The following PKD2L1 variants were observed in gnomAD, a reference collection of about 807,000 sequenced individuals.
PKD2L1 encodes polycystin 2 like 1, transient receptor potential cation channel, also known as polycystin-2-like protein 1.
Under a neutral mutation model 93.0 loss-of-function variants are expected in PKD2L1, and 77 were observed. That is an observed-to-expected ratio of 0.83 (90% CI 0.69 to 1.00). The LOEUF (loss-of-function observed/expected upper bound fraction) is 1.00. Ranked by LOEUF, PKD2L1 falls within the 50% of genes least tolerant of loss-of-function variation. The pLI is 0.00. For missense variants in PKD2L1, 977 were observed against 990.9 expected, an observed-to-expected ratio of 0.99 and a Z score of 0.19; for synonymous variants, 390 against 388.0, an observed-to-expected ratio of 1.01 and a Z score of -0.06.
chr10:100,293,409 C>T lies in PKD2L1; in HGVS notation c.1660-30G>A, dbSNP rs375615718. Reference sequence around the variant, plus strand: ...AAAATGAAGTGGGGACCTGGGTCCTCACCCCCAGACCCACTGAAAGGATTG... The same window carrying T: ...AAAATGAAGTGGGGACCTGGGTCCTTACCCCCAGACCCACTGAAAGGATTG... On this transcript the variant is annotated intron_variant, in intron 9 of 15. Transcript: ENST00000318222. The T allele has an allele frequency of 1.2e-3, 1,669 of 1,379,368 alleles. 36 individuals carry two copies. In the South Asian group the frequency reaches 0.018, roughly 15 times the overall value. 85.4% of individuals were successfully genotyped at this position (1,379,368 alleles called of 1,614,324 possible). A position where few individuals can be genotyped will look rare whatever the true frequency, so the allele number is the denominator to read the frequency against.
At chr10:100,288,905 G>A (rs1307701947) in intron 15 of PKD2L1, 67 bp downstream of exon 15, 5 of 993,370 alleles carry the variant, frequency 5.0e-6, no homozygotes, top group African/African-American at 3.3e-5. Context: ...GGGATGTGGC[G>A]AGGGGGCCTG....
chr10:100,306,314 T>C (rs1363606587), intron 2 of PKD2L1, among the ~76,000 whole-genome samples: 1 of 152,172 alleles, frequency 6.6e-6, no homozygotes, highest in Non-Finnish European at 1.5e-5. Context: ...TCAATAGAAA[T>C]GTCAAGAAGG....
At chr10:100,297,726 G>A in intron 4 of PKD2L1, 120 bp from the exon 5 acceptor site, 1 of 619,868 alleles carries the variant, frequency 1.6e-6, no homozygotes. Context: ...GTGTGTGTGT[G>A]TGTGTGTGTG....
chr10:100,293,783 A>G (rs1192969927), intron 9 of PKD2L1, among the ~76,000 whole-genome samples: 1 of 152,202 alleles, frequency 6.6e-6, no homozygotes, highest in Non-Finnish European at 1.5e-5. Context: ...CATTGATCAA[A>G]TAAAGAAAAT....
chr10:100,303,969 G>A (rs919230467), intron 2 of PKD2L1, among the ~76,000 whole-genome samples: 7 of 152,308 alleles, frequency 4.6e-5, no homozygotes, highest in Non-Finnish European at 2.9e-5. Context: ...ATTGCTCGGA[G>A]AAATAACATT....
At chr10:100,299,757 TC>T in intron 2 of PKD2L1, 39 bp from the exon 3 acceptor site, 1 of 1,603,142 alleles carries the variant, frequency 6.2e-7, no homozygotes, top group Non-Finnish European at 8.5e-7. Context: ...TTCTCACTGT[TC>T]CCCCAGAGGA....
intron 2 of PKD2L1, among the ~76,000 whole-genome samples, chr10:100,320,376 T>C (rs1454724665): frequency 1.3e-5 from 2 of 152,218 alleles, no homozygotes; most frequent in African/African-American, 4.8e-5. Context: ...CACCAGTTCC[T>C]AGAATAAAGC....
chr10:100,319,319 T>C (rs1849176384), intron 2 of PKD2L1, among the ~76,000 whole-genome samples: 1 of 152,230 alleles, frequency 6.6e-6, no homozygotes. Flanking sequence ...TAGAATGATT[T>C]AAGTATCTTG....
rs766285652 is a variant in PKD2L1, at chr10:100,288,375, T to C, written c.*21A>G. On this transcript the variant is annotated 3_prime_UTR_variant, in exon 16 of 16. Coordinates refer to ENST00000318222, the MANE Select transcript of PKD2L1 (RefSeq NM_016112.3). ...CTTGCAGAAGATCCTTCATAGACTT[T>C]GCTCCGGGAGTGCCTCACACTTAAC... 6.5e-7 allele frequency: 1 copy of C among 1,527,658 alleles called. No homozygotes were observed. The highest frequency in any genetic ancestry group is 1.1e-5 in the South Asian group (1 of 89,376). The allele number at this position is 1,527,658 out of a possible 1,614,324, so 94.6% of individuals were successfully genotyped here.
At chr10:100,311,097 A>T (rs965620597) in intron 2 of PKD2L1, among the ~76,000 whole-genome samples, 1 of 152,234 alleles carries the variant, frequency 6.6e-6, no homozygotes, top group African/African-American at 2.4e-5. Context: ...ATAAAAACCA[A>T]CAAGGCCAAT....
chr10:100,288,438 CCT>C lies in PKD2L1; in HGVS notation c.2374_2375del (p.Arg792GlufsTer6), dbSNP rs757831914. The C allele has an allele frequency of 6.2e-7, 1 of 1,612,672 alleles. No individual in the cohort carries two copies. Among genetic ancestry groups the C allele is most frequent in the East Asian group, 2.2e-5 (1 of 44,880 alleles). On this transcript the variant is annotated frameshift_variant, in exon 16 of 16. Coordinates refer to ENST00000318222, the MANE Select transcript of PKD2L1 (RefSeq NM_016112.3). LOFTEE classifies it low-confidence loss of function (END_TRUNC). The stretch of plus-strand genomic sequence containing the variant: ...TTGGAATCTCACCACGGGAGAGTCT[CCT>C]CTCCTCTAAGGCTTCCTCTTCTCTT... ...YKREEEALEE[R>X]RLSRGEIPTL... is the part of the protein sequence containing the mutation.
intron 2 of PKD2L1, among the ~76,000 whole-genome samples, chr10:100,300,854 AT>A (rs35348493): frequency 0.58 from 87,141 of 151,230 alleles, 25,509 homozygotes; most frequent in African/African-American, 0.67. Flanking sequence ...TCAAATGGTG[AT>A]TTTTTTTTTC....
chr10:100,291,170 A>T (rs1848396909), intron 12 of PKD2L1, 131 bp downstream of exon 12: 1 of 928,898 alleles, frequency 1.1e-6, no homozygotes, highest in Non-Finnish European at 1.6e-6. Context: ...CAGTTTGGGA[A>T]CTACTATTCT....
At chr10:100,318,454 T>G (rs1160416562) in intron 2 of PKD2L1, among the ~76,000 whole-genome samples, 1 of 152,032 alleles carries the variant, frequency 6.6e-6, no homozygotes, top group Non-Finnish European at 1.5e-5. Flanking sequence ...TGCTAGCCAC[T>G]TACATCAGCA....
At chr10:100,291,644 C>A (rs1024106760) in intron 11 of PKD2L1, among the ~76,000 whole-genome samples, 1 of 152,158 alleles carries the variant, frequency 6.6e-6, no homozygotes, top group Non-Finnish European at 1.5e-5. Context: ...GGCCTCATGA[C>A]CTCCTACAGG....
chr10:100,313,308 G>A (rs1473583643), intron 2 of PKD2L1, among the ~76,000 whole-genome samples: 1 of 152,188 alleles, frequency 6.6e-6, no homozygotes, highest in Admixed American at 6.5e-5. Context: ...CCTGAGAAGA[G>A]TAGCCCTTGT....
intron 12 of PKD2L1, among the ~76,000 whole-genome samples, 162 bp downstream of exon 12, chr10:100,291,139 C>T (rs1564879082): frequency 6.6e-6 from 1 of 152,104 alleles, no homozygotes. Flanking sequence ...TAAAGGCCCC[C>T]CAGGGTATTC....
chr10:100,291,538 G>T, intron 11 of PKD2L1, 111 bp from the exon 12 acceptor site: 3 of 1,107,550 alleles, frequency 2.7e-6, no homozygotes, highest in Non-Finnish European at 3.9e-6. Context: ...TTCTGGTAAA[G>T]AAGGTTCTCC....
intron 2 of PKD2L1, among the ~76,000 whole-genome samples, chr10:100,315,336 G>A (rs1163422236): frequency 1.3e-5 from 2 of 152,010 alleles, no homozygotes; most frequent in Admixed American, 6.6e-5. Flanking sequence ...GTATACATGT[G>A]CCATGGTGGT....
Sources: allele counts gnomAD v4.1 joint callset (sites outside exome capture counted in the v4.1 genomes callset), GRCh38; gene constraint gnomAD v4.1.1; transcripts MANE v1.5; gene names NCBI Gene and HGNC (gene_info 2026-07-23, HGNC 2026-07-21).